EXOC4: variants seen among roughly 807,000 people sequenced by gnomAD.
EXOC4 encodes SEC8-like 1.
A neutral mutation model predicts 107.2 loss-of-function variants in EXOC4; 71 were observed. The observed-to-expected ratio is 0.66, with a 90% CI of 0.55 to 0.81. The LOEUF is 0.81. Ranked by LOEUF, EXOC4 falls within the 30% of genes least tolerant of loss-of-function variation. The pLI is 0.00. For missense variants in EXOC4, 1,108 were observed against 1,189.6 expected (o/e 0.93, Z 1.01); for synonymous variants, 456 against 441.2 (o/e 1.03, Z -0.42).
At chr7:133,415,824 TG>T (rs1286256766) in intron 7 of EXOC4, among the ~76,000 whole-genome samples, 2 of 152,186 alleles carry the variant, frequency 1.3e-5, no homozygotes. Context: ...TAATAGTTGT[TG>T]TAATGAGAGT....
intron 10 of EXOC4, among the ~76,000 whole-genome samples, chr7:133,713,289 A>C (rs1216999365): frequency 6.6e-6 from 1 of 152,224 alleles, no homozygotes; most frequent in Non-Finnish European, 1.5e-5. Flanking sequence ...TTATAGTGGA[A>C]GGAATATGGA....
intron 10 of EXOC4, among the ~76,000 whole-genome samples, chr7:133,791,767 A>G (rs1434864620): frequency 6.6e-6 from 1 of 152,190 alleles, no homozygotes; most frequent in African/African-American, 2.4e-5. Context: ...CTATTGGCCC[A>G]TGGTCTTCCC....
intron 14 of EXOC4, among the ~76,000 whole-genome samples, chr7:133,982,269 C>T (rs985698383): frequency 4.6e-5 from 7 of 152,158 alleles, no homozygotes; most frequent in African/African-American, 9.7e-5. Flanking sequence ...TAAAAAGATA[C>T]GGGCCGGGTG....
chr7:133,467,236 T>TC (rs988529377), intron 7 of EXOC4, among the ~76,000 whole-genome samples: 15 of 151,868 alleles, frequency 9.9e-5, no homozygotes, highest in African/African-American at 2.4e-4. Context: ...CTTTTTTTTT[T>TC]TTTGCAGAAT....
At chr7:133,814,208 C>G (rs976699485) in intron 10 of EXOC4, among the ~76,000 whole-genome samples, 38 of 152,116 alleles carry the variant, frequency 2.5e-4, no homozygotes, top group African/African-American at 8.4e-4. Context: ...TGTCTTTATG[C>G]TAAAATAAAC....
chr7:133,876,202 C>T (rs6954207), intron 11 of EXOC4, among the ~76,000 whole-genome samples: 93,681 of 151,446 alleles, frequency 0.62, 31,485 homozygotes, highest in African/African-American at 0.9. Flanking sequence ...ATTGCTTAGG[C>T]TAAGGAAAAG....
intron 10 of EXOC4, among the ~76,000 whole-genome samples, chr7:133,674,081 C>T (rs1043058621): frequency 6.6e-6 from 1 of 152,138 alleles, no homozygotes; most frequent in African/African-American, 2.4e-5. Flanking sequence ...GATTTTAAAC[C>T]TGCCAAGGAA....
At chr7:133,631,858 G>C (rs1400497162) in intron 10 of EXOC4, among the ~76,000 whole-genome samples, 1 of 151,934 alleles carries the variant, frequency 6.6e-6, no homozygotes, top group Non-Finnish European at 1.5e-5. Context: ...TTAGAAATTG[G>C]AAAATACCTT....
chr7:133,264,988 C>G (rs1793691202), intron 1 of EXOC4, among the ~76,000 whole-genome samples: 1 of 152,146 alleles, frequency 6.6e-6, no homozygotes, highest in Non-Finnish European at 1.5e-5. Context: ...GACTGTCATA[C>G]TGTGAAATTA....
At chr7:133,973,511 A>G (rs988512608) in intron 14 of EXOC4, among the ~76,000 whole-genome samples, 9 of 152,228 alleles carry the variant, frequency 5.9e-5, no homozygotes, top group African/African-American at 1.9e-4. Flanking sequence ...GTAGGGCTAC[A>G]TTGCAGGGCT....
chr7:133,455,343 A>G (rs1798438593), intron 7 of EXOC4, among the ~76,000 whole-genome samples: 1 of 152,114 alleles, frequency 6.6e-6, no homozygotes, highest in Non-Finnish European at 1.5e-5. Context: ...ACTGTGGTTG[A>G]CTATGGGTGA....
At chr7:133,711,455 T>C (rs1316494024) in intron 10 of EXOC4, among the ~76,000 whole-genome samples, 2 of 152,184 alleles carry the variant, frequency 1.3e-5, no homozygotes, top group African/African-American at 4.8e-5. Flanking sequence ...TTTGAGTGTC[T>C]CATAAAAGTA....
chr7:133,544,103 G>A (rs543319538), intron 9 of EXOC4, among the ~76,000 whole-genome samples: 8 of 152,032 alleles, frequency 5.3e-5, no homozygotes, highest in Admixed American at 2.0e-4. Flanking sequence ...GGTGCATTGG[G>A]AAAATTCAAG....
chr7:133,919,876 G>C (rs1799899997), intron 13 of EXOC4, among the ~76,000 whole-genome samples: 1 of 152,148 alleles, frequency 6.6e-6, no homozygotes, highest in South Asian at 2.1e-4. Flanking sequence ...TGTGGATGCA[G>C]GTTTTTAACT....
chr7:133,776,694 G>T (rs1048589134), intron 10 of EXOC4, among the ~76,000 whole-genome samples: 2 of 152,184 alleles, frequency 1.3e-5, no homozygotes, highest in African/African-American at 4.8e-5. Flanking sequence ...AAGTGTTCAA[G>T]AGCTAACATT....
chr7:133,329,875 G>A (rs868169737), intron 5 of EXOC4, among the ~76,000 whole-genome samples: 1 of 152,196 alleles, frequency 6.6e-6, no homozygotes, highest in South Asian at 2.1e-4. Context: ...CTACTGGGAG[G>A]TGTCTCCTAG....
chr7:133,636,769 G>A (rs1418416712), intron 10 of EXOC4, among the ~76,000 whole-genome samples: 2 of 152,120 alleles, frequency 1.3e-5, no homozygotes, highest in Non-Finnish European at 2.9e-5. Flanking sequence ...GTCTTTCTAG[G>A]TAGAGCAAAA....
chr7:133,962,693 C>T (rs1308580142), intron 14 of EXOC4, among the ~76,000 whole-genome samples: 2 of 152,122 alleles, frequency 1.3e-5, no homozygotes, highest in Non-Finnish European at 2.9e-5. Context: ...TGAGTGTCAC[C>T]ACATGTGCTT....
At chr7:134,013,565 A>T (rs796847720) in intron 17 of EXOC4, among the ~76,000 whole-genome samples, 11 of 152,346 alleles carry the variant, frequency 7.2e-5, no homozygotes, top group African/African-American at 2.6e-4. Flanking sequence ...ATATTGGTTC[A>T]TTCATTGTAA....
Sources: allele counts gnomAD v4.1 joint callset (sites outside exome capture counted in the v4.1 genomes callset), GRCh38; gene constraint gnomAD v4.1.1; transcripts MANE v1.5; gene names NCBI Gene and HGNC (gene_info 2026-07-23, HGNC 2026-07-21).